The following SLC24A4 variants were observed in gnomAD, a reference collection of about 807,000 sequenced individuals.
SLC24A4 encodes solute carrier family 24 member 4.
In SLC24A4, 53 loss-of-function variants were observed where a neutral mutation model predicts 79.0. That is an observed-to-expected ratio of 0.67 (90% CI 0.54 to 0.84). SLC24A4 has a LOEUF of 0.84. Among genes scored for constraint, SLC24A4 ranks in the 40% least tolerant of loss-of-function variants. The probability of loss-of-function intolerance (pLI) is 0.00; values close to 1 mark genes in which losing one functional copy is unlikely to be tolerated. For synonymous variants in SLC24A4, 323 were observed against 323.8 expected, an observed-to-expected ratio of 1.00 and a Z score of 0.03; for missense variants, 731 against 822.0, an observed-to-expected ratio of 0.89 and a Z score of 1.35.
At chr14:92,345,728 T>C (rs1886487724) in intron 2 of SLC24A4, among the ~76,000 whole-genome samples, 1 of 151,888 alleles carries the variant, frequency 6.6e-6, no homozygotes, top group Admixed American at 6.6e-5. Context: ...GCATAGCATT[T>C]ACAGCAGGAT....
At chr14:92,392,659 G>C (rs1889541712) in intron 2 of SLC24A4, among the ~76,000 whole-genome samples, 1 of 152,206 alleles carries the variant, frequency 6.6e-6, no homozygotes. Context: ...CTGAATGTTG[G>C]TGTCCCCCAA....
chr14:92,444,804 A>G (rs146944717), intron 7 of SLC24A4, among the ~76,000 whole-genome samples: 137 of 152,204 alleles, frequency 9.0e-4, no homozygotes, highest in Non-Finnish European at 1.6e-3. Context: ...GCAGTGAGCC[A>G]AAATCGCACT....
rs1215023031 is a variant in SLC24A4 at position 92,441,337 on chromosome 14, C to A, written c.394-752C>A. On this transcript the variant is annotated intron_variant, in intron 4 of 16. Transcript: ENST00000532405. The surrounding 1 kb of genome is among the most constrained non-coding windows in gnomAD (Gnocchi z 4.6). ...GCTGCATTTCGGATCAGAGGATGGG[C>A]TCTGTGGCCAGACATGACCCGGACA... is the stretch of plus-strand genomic sequence containing the variant. Among the ~76,000 whole-genome samples the A allele has an allele frequency of 6.6e-6, 1 of 152,190 alleles. No homozygotes were observed. The highest frequency in any genetic ancestry group is 6.5e-5 in the Admixed American group (1 of 15,280).
intron 2 of SLC24A4, among the ~76,000 whole-genome samples, chr14:92,400,557 T>G (rs1458966708): frequency 3.3e-5 from 5 of 152,176 alleles, no homozygotes; most frequent in South Asian, 2.1e-4. Context: ...CACAGTCGCC[T>G]TCTTTGGGGC....
intron 12 of SLC24A4, among the ~76,000 whole-genome samples, chr14:92,477,676 A>G (rs1044866432): frequency 3.3e-5 from 5 of 152,080 alleles, no homozygotes; most frequent in Non-Finnish European, 7.4e-5. Flanking sequence ...GCTGGTCTTG[A>G]ACTCCTGGCC....
intron 11 of SLC24A4, among the ~76,000 whole-genome samples, chr14:92,456,023 G>T (rs932631810): frequency 6.6e-6 from 1 of 152,146 alleles, no homozygotes; most frequent in Non-Finnish European, 1.5e-5. Context: ...TTTGTATAAT[G>T]TACCTAAAAA....
rs45627833 is a variant in SLC24A4, at chr14:92,491,964, C to T, written c.1650+187C>T. Among the ~76,000 whole-genome samples the T allele has an allele frequency of 0.052, 7,992 of 152,246 alleles. 318 individuals are homozygous for T. The highest frequency in any genetic ancestry group is 0.081 in the Non-Finnish European group (5,493 of 68,004). On this transcript the variant is annotated intron_variant, in intron 15 of 16. Coordinates refer to ENST00000532405, the MANE Select transcript of SLC24A4 (RefSeq NM_153646.4). ...TCCACTCCTCACCTCAGCCCGCTGG[C>T]GTGCCTCTCCCCATCCCAGGCTGTC...
At chr14:92,410,297 T>C (rs1890636590) in intron 2 of SLC24A4, among the ~76,000 whole-genome samples, 1 of 152,214 alleles carries the variant, frequency 6.6e-6, no homozygotes, top group African/African-American at 2.4e-5. Context: ...TCCTCCTGCC[T>C]CAGCCTCCTG....
Position 92,333,513 on chromosome 14 carries a change from CTTG to C in SLC24A4, c.241+7543_241+7545del, listed in dbSNP as rs969924428. Among the ~76,000 whole-genome samples the C allele has an allele frequency of 5.9e-5, 9 of 152,286 alleles. 1 individual carries two copies. The highest frequency in any genetic ancestry group is 5.9e-4 in the Admixed American group (9 of 15,296). On this transcript the variant is annotated intron_variant, in intron 2 of 16. Transcript: ENST00000532405. ...AGGACGGAGCGGGGCTTGATTTCCC[CTTG>C]TTGTTGTGGGAGGGATTTAAGTCCT... is the stretch of plus-strand genomic sequence containing the variant.
chr14:92,393,866 C>T (rs2141744108), intron 2 of SLC24A4, among the ~76,000 whole-genome samples: 1 of 152,066 alleles, frequency 6.6e-6, no homozygotes, highest in African/African-American at 2.4e-5. Context: ...CAAAAATTAG[C>T]CAGGTATGGT....
At position 92,429,702 on chromosome 14, in the gene SLC24A4, C is replaced by G. The variant is rs537713845; in HGVS notation, c.242-4210C>G. Reference sequence around the variant, plus strand: ...GTGCATCTGCTGGGGGTAACATGCTCCAATAAAGAGAGCCTGGTATTAGTT... The same window carrying G: ...GTGCATCTGCTGGGGGTAACATGCTGCAATAAAGAGAGCCTGGTATTAGTT... On this transcript the variant is annotated intron_variant, in intron 2 of 16. Transcript: ENST00000532405. Among the ~76,000 whole-genome samples the G allele has an allele frequency of 7.2e-5, 11 of 152,266 alleles. No homozygotes were observed. The East Asian group carries it at 9.7e-4, about 13-fold the overall frequency.
At chr14:92,370,609 T>A (rs893525311) in intron 2 of SLC24A4, among the ~76,000 whole-genome samples, 4 of 152,094 alleles carry the variant, frequency 2.6e-5, no homozygotes, top group African/African-American at 9.7e-5. Context: ...ATGAGAAAAT[T>A]CGAGGGTGAG....
intron 2 of SLC24A4, among the ~76,000 whole-genome samples, chr14:92,403,922 C>T (rs1047027206): frequency 2.0e-5 from 3 of 151,506 alleles, no homozygotes; most frequent in Non-Finnish European, 4.4e-5. Context: ...TGCTGATGCC[C>T]AGTGTTAAGA....
At chr14:92,343,904 T>C (rs565222118) in intron 2 of SLC24A4, among the ~76,000 whole-genome samples, 54 of 152,282 alleles carry the variant, frequency 3.5e-4, no homozygotes, top group Non-Finnish European at 6.6e-4. Context: ...GGTTTCACCA[T>C]GTTGGCCAGG....
intron 12 of SLC24A4, among the ~76,000 whole-genome samples, chr14:92,474,861 A>ATTT (rs1226459079): frequency 7.9e-5 from 5 of 63,196 alleles, no homozygotes; most frequent in African/African-American, 2.8e-4. Context: ...ATATATATAT[A>ATTT]TATTTTTTTT....
At chr14:92,403,377 G>A (rs1349324990) in intron 2 of SLC24A4, among the ~76,000 whole-genome samples, 1 of 151,800 alleles carries the variant, frequency 6.6e-6, no homozygotes, top group Non-Finnish European at 1.5e-5. Context: ...GGAGGCTGAG[G>A]TGGGTGGATC....
chr14:92,372,393 C>T (rs1438063316), intron 2 of SLC24A4, among the ~76,000 whole-genome samples: 1 of 152,138 alleles, frequency 6.6e-6, no homozygotes, highest in African/African-American at 2.4e-5. Flanking sequence ...CAGACATTTG[C>T]AGCTGGTGGC....
intron 2 of SLC24A4, among the ~76,000 whole-genome samples, chr14:92,411,574 T>C (rs1890717351): frequency 6.6e-6 from 1 of 152,208 alleles, no homozygotes; most frequent in African/African-American, 2.4e-5. Context: ...TGGTTGTTTG[T>C]ATGAGACAGA....
chr14:92,365,860 G>C (rs1887807638), intron 2 of SLC24A4, among the ~76,000 whole-genome samples: 1 of 152,178 alleles, frequency 6.6e-6, no homozygotes, highest in Non-Finnish European at 1.5e-5. Context: ...GGTGTAAGTA[G>C]CAGAGGCAAG....
Sources: allele counts gnomAD v4.1 joint callset (sites outside exome capture counted in the v4.1 genomes callset), GRCh38; gene constraint gnomAD v4.1.1; non-coding constraint Gnocchi (gnomAD v3.1); transcripts MANE v1.5; gene names NCBI Gene and HGNC (gene_info 2026-07-23, HGNC 2026-07-21).